The following GOLGA4 variants were observed in gnomAD, a reference collection of about 807,000 sequenced individuals.
The protein encoded by GOLGA4 is golgin A4.
A neutral mutation model predicts 265.9 loss-of-function variants in GOLGA4; 169 were observed. The observed-to-expected ratio is 0.64, with a 90% CI of 0.56 to 0.72. GOLGA4 has a LOEUF of 0.72. Ranked by LOEUF, GOLGA4 falls within the 30% of genes least tolerant of loss-of-function variation. GOLGA4 has a pLI of 0.00. For missense variants in GOLGA4, 2,482 were observed against 2,483.4 expected (o/e 1.00, Z 0.01); for synonymous variants, 923 against 855.8 (o/e 1.08, Z -1.37).
At chr3:37,354,384 C>G (rs2097084453) in intron 21 of GOLGA4, among the ~76,000 whole-genome samples, 1 of 152,052 alleles carries the variant, frequency 6.6e-6, no homozygotes, top group African/African-American at 2.4e-5. Context: ...TCTTTCCTCT[C>G]TGTCTCCCTC....
chr3:37,354,061 T>C (rs1258790257), intron 21 of GOLGA4, among the ~76,000 whole-genome samples: 2 of 151,824 alleles, frequency 1.3e-5, no homozygotes, highest in Non-Finnish European at 2.9e-5. Context: ...AGACTTAGTG[T>C]ATATAATAGG....
At chr3:37,264,533 A>G (rs1266672811) in intron 2 of GOLGA4, among the ~76,000 whole-genome samples, 1 of 152,224 alleles carries the variant, frequency 6.6e-6, no homozygotes, top group Admixed American at 6.5e-5. Flanking sequence ...GATGGTCTCT[A>G]ATGTAGGACC....
At chr3:37,266,938 G>C in intron 2 of GOLGA4, 1 of 1,260,060 alleles carries the variant, frequency 7.9e-7, no homozygotes, top group Non-Finnish European at 1.0e-6. Context: ...GAGTGACAGT[G>C]TGGTGAGTCC....
chr3:37,332,626 T>G (rs1432163085), intron 16 of GOLGA4, among the ~76,000 whole-genome samples: 1 of 152,168 alleles, frequency 6.6e-6, no homozygotes, highest in Non-Finnish European at 1.5e-5. Context: ...AAAGTATTCT[T>G]GGAGGCGGTA....
chr3:37,247,575 T>TATTG (rs1275731031), intron 1 of GOLGA4, among the ~76,000 whole-genome samples: 1 of 152,252 alleles, frequency 6.6e-6, no homozygotes. Flanking sequence ...AGTTTTCTAA[T>TATTG]ATTGCATAAC....
chr3:37,267,989 G>C (rs1028052765), intron 2 of GOLGA4, among the ~76,000 whole-genome samples: 1 of 152,176 alleles, frequency 6.6e-6, no homozygotes, highest in Non-Finnish European at 1.5e-5. Context: ...TCTCTCCTTG[G>C]CTCTGGCTAC....
chr3:37,335,023 CCTTTTTTT>C, intron 16 of GOLGA4, 22 bp from the exon 17 acceptor site: 2 of 1,337,826 alleles, frequency 1.5e-6, no homozygotes. Flanking sequence ...TTTTTCTTTT[CCTTTTTTT>C]CTTTTTTTTT....
At chr3:37,341,837 T>C (rs2097035627) in intron 20 of GOLGA4, 1 of 152,240 alleles carries the variant, frequency 6.6e-6, no homozygotes, top group South Asian at 2.1e-4. Context: ...TTTTTTCTCA[T>C]ATTTATGAAC....
intron 2 of GOLGA4, among the ~76,000 whole-genome samples, chr3:37,252,609 A>G (rs1269599874): frequency 1.3e-5 from 2 of 152,022 alleles, no homozygotes; most frequent in African/African-American, 4.8e-5. Context: ...TTTGCCCTAT[A>G]TTTTTGAGAG....
At chr3:37,260,271 C>T (rs536758364) in intron 2 of GOLGA4, among the ~76,000 whole-genome samples, 8 of 151,898 alleles carry the variant, frequency 5.3e-5, no homozygotes, top group African/African-American at 1.9e-4. Flanking sequence ...ATTTAATTGA[C>T]CCAAAATCAT....
chr3:37,272,663 C>G (rs2096801982), intron 2 of GOLGA4, among the ~76,000 whole-genome samples: 1 of 152,204 alleles, frequency 6.6e-6, no homozygotes. Context: ...AAACTGAGCA[C>G]CTTTTTCACT....
intron 1 of GOLGA4, chr3:37,244,302 C>A (rs1272601759): frequency 6.6e-6 from 1 of 152,264 alleles, no homozygotes; most frequent in East Asian, 1.9e-4. Flanking sequence ...GGCAGACACT[C>A]TGCCTGTCCG....
At chr3:37,246,949 G>A (rs1277411366) in intron 1 of GOLGA4, among the ~76,000 whole-genome samples, 1 of 152,066 alleles carries the variant, frequency 6.6e-6, no homozygotes, top group Non-Finnish European at 1.5e-5. Flanking sequence ...CCAGCAAACA[G>A]TTCCACAGAT....
intron 21 of GOLGA4, among the ~76,000 whole-genome samples, chr3:37,349,229 C>T (rs542399394): frequency 6.6e-6 from 1 of 152,110 alleles, no homozygotes; most frequent in Non-Finnish European, 1.5e-5. Context: ...ACATTTGATA[C>T]CATCTCTAAC....
intron 16 of GOLGA4, among the ~76,000 whole-genome samples, chr3:37,333,485 TG>T (rs1001525511): frequency 6.6e-6 from 1 of 152,142 alleles, no homozygotes; most frequent in Non-Finnish European, 1.5e-5. Flanking sequence ...TTCTAATTAT[TG>T]GGGGGGCTTG....
chr3:37,361,953 T>TAA (rs1696309075), intron 23 of GOLGA4, among the ~76,000 whole-genome samples: 1 of 152,238 alleles, frequency 6.6e-6, no homozygotes, highest in African/African-American at 2.4e-5. Flanking sequence ...CTTCATCATT[T>TAA]AAACCCTCTC....
At chr3:37,331,785 C>T (rs1326927875) in intron 16 of GOLGA4, among the ~76,000 whole-genome samples, 1 of 152,186 alleles carries the variant, frequency 6.6e-6, no homozygotes. Flanking sequence ...AAGCTGGAAA[C>T]TTTTGACATC....
chr3:37,302,365 G>A (rs1292810266), intron 10 of GOLGA4, 33 bp downstream of exon 10: 3 of 1,574,728 alleles, frequency 1.9e-6, no homozygotes, highest in Non-Finnish European at 2.6e-6. Flanking sequence ...TTTTATGTTG[G>A]AACTCAAAAG....
intron 1 of GOLGA4, among the ~76,000 whole-genome samples, chr3:37,251,114 G>C (rs975175511): frequency 1.3e-5 from 2 of 152,102 alleles, no homozygotes; most frequent in African/African-American, 4.8e-5. Context: ...TCTTACACTA[G>C]TATCGCAACT....
Sources: allele counts gnomAD v4.1 joint callset (sites outside exome capture counted in the v4.1 genomes callset), GRCh38; gene constraint gnomAD v4.1.1; transcripts MANE v1.5; gene names NCBI Gene and HGNC (gene_info 2026-07-23, HGNC 2026-07-21).